The following TATDN1 variants were observed in gnomAD, a reference collection of about 807,000 sequenced individuals.
TATDN1 encodes deoxyribonuclease TATDN1.
Under a neutral mutation model 46.4 loss-of-function variants are expected in TATDN1, and 40 were observed. The observed-to-expected ratio is 0.86, with a 90% CI of 0.67 to 1.12. TATDN1 has a LOEUF of 1.12. Ranked by LOEUF, TATDN1 falls within the 50% of genes most tolerant of loss-of-function variation. The pLI is 0.00. For missense variants in TATDN1, 326 were observed against 348.4 expected (o/e 0.94, Z 0.51); for synonymous variants, 95 against 105.6 (o/e 0.90, Z 0.62).
At chr8:124,504,072 T>C (rs1818201286) in intron 9 of TATDN1, 199 bp downstream of exon 9, 1 of 779,154 alleles carries the variant, frequency 1.3e-6, no homozygotes, top group Admixed American at 3.0e-5. Context: ...TGTAGTAGTC[T>C]ATAACTTTCG....
chr8:124,528,958 A>G (rs1820729908), intron 1 of TATDN1, among the ~76,000 whole-genome samples: 1 of 152,232 alleles, frequency 6.6e-6, no homozygotes, highest in Non-Finnish European at 1.5e-5. Flanking sequence ...CCTGAACTAC[A>G]GCTGCCTGGG....
chr8:124,538,037 TA>T (rs1821628685), intron 1 of TATDN1, among the ~76,000 whole-genome samples: 2 of 152,228 alleles, frequency 1.3e-5, no homozygotes, highest in South Asian at 4.1e-4. Flanking sequence ...ATTGCCCAGA[TA>T]TCTCTACCTG....
intron 1 of TATDN1, among the ~76,000 whole-genome samples, chr8:124,527,032 T>A (rs1313408528): frequency 6.6e-6 from 1 of 152,332 alleles, no homozygotes; most frequent in East Asian, 1.9e-4. Flanking sequence ...AGGGAAGAAC[T>A]TTATTTCTTT....
At chr8:124,517,369 C>A (rs573496438) in intron 4 of TATDN1, among the ~76,000 whole-genome samples, 2 of 148,402 alleles carry the variant, frequency 1.3e-5, no homozygotes, top group African/African-American at 2.5e-5. Context: ...CAGAGGTTGC[C>A]GTGAGCCGAG....
At chr8:124,538,869 AC>A (rs1331308543) in intron 1 of TATDN1, 155 bp downstream of exon 1, 2 of 763,722 alleles carry the variant, frequency 2.6e-6, no homozygotes, top group Non-Finnish European at 4.6e-6. Flanking sequence ...CCAGAGCATT[AC>A]CAGCACCCAG....
intron 2 of TATDN1, 22 bp from the exon 3 acceptor site, chr8:124,522,222 T>G (rs1455595207): frequency 6.5e-7 from 1 of 1,540,640 alleles, no homozygotes; most frequent in African/African-American, 1.4e-5. Context: ...AAACTCTGTA[T>G]TATGAAAACC....
chr8:124,496,837 C>T (rs560591236), intron 9 of TATDN1, among the ~76,000 whole-genome samples: 1 of 152,182 alleles, frequency 6.6e-6, no homozygotes, highest in Non-Finnish European at 1.5e-5. Flanking sequence ...TATCACCCAG[C>T]CCCATCAATC....
intron 1 of TATDN1, among the ~76,000 whole-genome samples, chr8:124,532,055 G>C (rs938976216): frequency 1.2e-4 from 18 of 152,046 alleles, no homozygotes; most frequent in Non-Finnish European, 1.0e-4. Context: ...CAGATGGGGA[G>C]GGGAGCAAGG....
At chr8:124,500,710 T>C (rs1817885484) in intron 9 of TATDN1, among the ~76,000 whole-genome samples, 1 of 149,528 alleles carries the variant, frequency 6.7e-6, no homozygotes, top group Non-Finnish European at 1.5e-5. Context: ...CTAAGAATTA[T>C]GGTTTTAAGT....
chr8:124,528,064 T>C (rs925431020), intron 1 of TATDN1, among the ~76,000 whole-genome samples: 6 of 152,206 alleles, frequency 3.9e-5, no homozygotes, highest in South Asian at 2.1e-4. Context: ...ACTTAGCAGT[T>C]TGAAAGGGAT....
At chr8:124,507,541 GGAA>G (rs1376779487) in intron 8 of TATDN1, among the ~76,000 whole-genome samples, 3 of 152,134 alleles carry the variant, frequency 2.0e-5, no homozygotes, top group African/African-American at 7.2e-5. Context: ...CAACACTTTG[GGAA>G]GCCAGGGTGG....
At chr8:124,495,668 T>A in intron 9 of TATDN1, 126 bp from the exon 10 acceptor site, 1 of 685,284 alleles carries the variant, frequency 1.5e-6, no homozygotes, top group Non-Finnish European at 2.4e-6. Flanking sequence ...TTCAGTATAC[T>A]TTGGAAAGTA....
intron 11 of TATDN1, chr8:124,489,403 CTTT>C (rs11443180): frequency 2.7e-5 from 4 of 146,752 alleles, no homozygotes; most frequent in African/African-American, 5.1e-5. Flanking sequence ...TCTTTCCTTT[CTTT>C]TTTTTTTCTT....
intron 9 of TATDN1, among the ~76,000 whole-genome samples, chr8:124,497,272 T>C (rs1205616324): frequency 1.3e-5 from 2 of 149,996 alleles, no homozygotes; most frequent in Non-Finnish European, 1.5e-5. Context: ...CCCTCTGTAT[T>C]TCCTTCTTTC....
chr8:124,515,321 C>A (rs142126123), intron 6 of TATDN1, among the ~76,000 whole-genome samples: 1 of 152,060 alleles, frequency 6.6e-6, no homozygotes, highest in Non-Finnish European at 1.5e-5. Flanking sequence ...GTGGAGGTTG[C>A]GGTGAGCTGA....
At position 124,522,174 on chromosome 8, in the gene TATDN1, C is replaced by T; in HGVS notation, c.115G>A (p.Ala39Thr). 1 of 1,597,662 alleles carries T rather than the reference C, an allele frequency of 6.3e-7. No homozygotes were observed. Among genetic ancestry groups the T allele is most frequent in the Non-Finnish European group, 8.5e-7 (1 of 1,171,070 alleles). The change falls in exon 3 of 12, where the codon GCT (alanine) becomes ACT (threonine). Residue 39 changes from alanine (A) to threonine (T), a missense_variant. Coordinates refer to ENST00000276692, the MANE Select transcript of TATDN1 (RefSeq NM_032026.4). ...QDDLQDVIGR[A>T]VEIGVKKFMI... ...ACCTTTTTAACACCAATCTCGACAG[C>T]TCTCCCTATTACATCCTGTAAGTCA...
At chr8:124,515,430 T>C (rs935663366) in intron 6 of TATDN1, among the ~76,000 whole-genome samples, 3 of 152,134 alleles carry the variant, frequency 2.0e-5, no homozygotes, top group Non-Finnish European at 2.9e-5. Context: ...ATTCATTCCA[T>C]TGGAACTGTT....
intron 9 of TATDN1, among the ~76,000 whole-genome samples, chr8:124,503,131 G>C (rs1818119460): frequency 6.6e-6 from 1 of 152,158 alleles, no homozygotes; most frequent in African/African-American, 2.4e-5. Context: ...TGAAAACATT[G>C]AGTATGCATA....
At chr8:124,530,917 A>C (rs1039912823) in intron 1 of TATDN1, among the ~76,000 whole-genome samples, 1 of 152,144 alleles carries the variant, frequency 6.6e-6, no homozygotes, top group Non-Finnish European at 1.5e-5. Context: ...AGAGACTGGC[A>C]CCAACTTCCA....
Sources: allele counts gnomAD v4.1 joint callset (sites outside exome capture counted in the v4.1 genomes callset), GRCh38; gene constraint gnomAD v4.1.1; transcripts MANE v1.5; gene names NCBI Gene and HGNC (gene_info 2026-07-23, HGNC 2026-07-21).